SLC15A4: variants seen among roughly 807,000 people sequenced by gnomAD.
The protein encoded by SLC15A4 is solute carrier family 15 member 4.
In SLC15A4, 26 loss-of-function variants were observed where a neutral mutation model predicts 46.1. The ratio of observed to expected loss-of-function variants is 0.56; its 90% CI spans 0.41 to 0.78. The LOEUF is 0.78. SLC15A4 is among the 30% of genes least tolerant of loss of function. The probability of loss-of-function intolerance (pLI) is 0.00; values close to 1 mark genes in which losing one functional copy is unlikely to be tolerated. For synonymous variants in SLC15A4, 370 were observed against 333.4 expected (o/e 1.11, Z -1.20); for missense variants, 751 against 755.7 (o/e 0.99, Z 0.07).
At chr12:128,820,556 T>C (rs767672200) in intron 1 of SLC15A4, among the ~76,000 whole-genome samples, 2 of 152,250 alleles carry the variant, frequency 1.3e-5, no homozygotes, top group South Asian at 2.1e-4. Context: ...TTTTGAATCC[T>C]GGCTCAGTCA....
intron 1 of SLC15A4, among the ~76,000 whole-genome samples, chr12:128,816,195 C>T (rs1463354635): frequency 1.3e-5 from 2 of 152,082 alleles, no homozygotes; most frequent in Non-Finnish European, 2.9e-5. Flanking sequence ...TCAATGGAGC[C>T]CAAGCGGTGG....
chr12:128,804,586 C>A (rs550611642), intron 5 of SLC15A4, among the ~76,000 whole-genome samples: 2 of 152,086 alleles, frequency 1.3e-5, no homozygotes, highest in Admixed American at 6.5e-5. Flanking sequence ...AAAAATTAGC[C>A]GGGCATGGTG....
chr12:128,800,933 A>G lies in SLC15A4; in HGVS notation c.1335T>C (p.His445=), dbSNP rs1955511356. 1 of 1,614,074 alleles carries G rather than the reference A, an allele frequency of 6.2e-7. No individual in the cohort carries two copies. Among genetic ancestry groups the G allele is most frequent in the South Asian group, 1.1e-5 (1 of 91,086 alleles). The part of the protein sequence containing the change: ...INQTIGNVVY[H]AADLSLWWQV... Reference sequence around the variant, plus strand: ...GCCACCACAGCGACAGATCGGCAGCATGGTAGACGACGTTGCCGATGGTCT... The same window carrying G: ...GCCACCACAGCGACAGATCGGCAGCGTGGTAGACGACGTTGCCGATGGTCT... Residue 445 remains histidine (H), a synonymous_variant, in exon 6 of 8, where the codon CAT becomes CAC. Coordinates refer to ENST00000266771, the MANE Select transcript of SLC15A4 (RefSeq NM_145648.4).
intron 1 of SLC15A4, among the ~76,000 whole-genome samples, chr12:128,821,860 T>C (rs1003724253): frequency 7.1e-6 from 1 of 141,248 alleles, no homozygotes; most frequent in African/African-American, 2.7e-5. Context: ...CACTCCAACC[T>C]GGCAACAGAG....
chr12:128,814,960 G>A lies in SLC15A4; in HGVS notation c.657C>T (p.Asn219=), dbSNP rs774580370. The A allele has an allele frequency of 1.3e-5, 21 of 1,614,060 alleles. No individual in the cohort carries two copies. Among genetic ancestry groups the A allele is most frequent in the East Asian group, 4.5e-5 (2 of 44,890 alleles). The change falls in exon 2 of 8, where the codon AAC becomes AAT. Residue 219 remains asparagine (N), a synonymous_variant. Transcript: ENST00000266771. The stretch of plus-strand genomic sequence containing the variant: ...TCGCATAACCAGTGACAAAGCTGAC[G>A]TTCTGCTGAATATAGGCAATGCCAC... The part of the protein sequence containing the change: ...SLGGIAYIQQ[N]VSFVTGYAIP...
intron 5 of SLC15A4, among the ~76,000 whole-genome samples, chr12:128,806,827 G>C (rs1955594950): frequency 6.6e-6 from 1 of 151,700 alleles, no homozygotes; most frequent in African/African-American, 2.4e-5. Flanking sequence ...TCAGTAAGAA[G>C]GCAAGCACTG....
chr12:128,823,342 TGGGGCTGGGCA>T (rs1341981689), intron 1 of SLC15A4, 45 bp downstream of exon 1: 9 of 1,336,546 alleles, frequency 6.7e-6, no homozygotes, highest in East Asian at 3.1e-5. Context: ...GGGAAGAGGC[TGGGGCTGGGCA>T]GGGGCTGGAC....
chr12:128,807,292 A>T (rs1214119534), intron 5 of SLC15A4, among the ~76,000 whole-genome samples: 1 of 152,162 alleles, frequency 6.6e-6, no homozygotes, highest in Non-Finnish European at 1.5e-5. Flanking sequence ...ACAAACACAT[A>T]TCGAAACCAC....
rs1955636085 is a variant in SLC15A4, at chr12:128,809,952, C to T, written c.1002G>A (p.Val334=). The T allele has an allele frequency of 6.2e-7, 1 of 1,613,056 alleles. No individual in the cohort carries two copies. Among genetic ancestry groups the T allele is most frequent in the Non-Finnish European group, 8.5e-7 (1 of 1,179,742 alleles). The change falls in exon 3 of 8, where the codon GTG becomes GTA. Residue 334 remains valine, a synonymous_variant. Coordinates refer to ENST00000266771, the MANE Select transcript of SLC15A4 (RefSeq NM_145648.4). ...VFLALIPYWT[V]YFQMQTTYVL... ...GTTTGTCACCACTCACTTGGAAATA[C>T]ACTGTCCAGTAAGGTATCAAAGCCA...
intron 2 of SLC15A4, among the ~76,000 whole-genome samples, chr12:128,812,511 G>T (rs1407128335): frequency 6.6e-6 from 1 of 152,006 alleles, no homozygotes; most frequent in Non-Finnish European, 1.5e-5. Context: ...AGTAGACGGG[G>T]TTTCACGTAT....
intron 2 of SLC15A4, among the ~76,000 whole-genome samples, chr12:128,811,549 G>A (rs1955656130): frequency 6.6e-6 from 1 of 152,262 alleles, no homozygotes; most frequent in South Asian, 2.1e-4. Flanking sequence ...TAGTCTAGTG[G>A]GGGAAAATAA....
intron 1 of SLC15A4, among the ~76,000 whole-genome samples, chr12:128,817,827 A>C (rs1026589217): frequency 1.3e-5 from 2 of 152,196 alleles, no homozygotes; most frequent in Non-Finnish European, 2.9e-5. Context: ...GCTGCTGTGA[A>C]GGGACATCAC....
At chr12:128,801,490 G>C (rs1955518710) in intron 5 of SLC15A4, 1 of 154,426 alleles carries the variant, frequency 6.5e-6, no homozygotes, top group South Asian at 2.0e-4. Context: ...TAATGATGAT[G>C]ATGATGTTGG....
intron 7 of SLC15A4, among the ~76,000 whole-genome samples, chr12:128,796,766 T>C (rs912338290): frequency 2.6e-5 from 4 of 152,164 alleles, no homozygotes; most frequent in South Asian, 2.1e-4. Context: ...GTCATCAAAA[T>C]ATAAACGACA....
At chr12:128,804,069 T>C (rs1218842738) in intron 5 of SLC15A4, among the ~76,000 whole-genome samples, 2 of 152,180 alleles carry the variant, frequency 1.3e-5, no homozygotes, top group African/African-American at 2.4e-5. Flanking sequence ...ATTAATACCG[T>C]TGGTAGTATT....
intron 7 of SLC15A4, among the ~76,000 whole-genome samples, chr12:128,795,560 T>C (rs7312683): frequency 0.64 from 97,450 of 151,928 alleles, 32,099 homozygotes; most frequent in East Asian, 0.76. Flanking sequence ...CAAGAGGGAG[T>C]CTGGACGCGG....
At chr12:128,796,551 GAA>G (rs1955446898) in intron 7 of SLC15A4, among the ~76,000 whole-genome samples, 1 of 149,374 alleles carries the variant, frequency 6.7e-6, no homozygotes, top group Non-Finnish European at 1.5e-5. Flanking sequence ...TACTGATTTA[GAA>G]AGACAGCTGC....
At chr12:128,803,360 CATGT>C (rs1325212712) in intron 5 of SLC15A4, among the ~76,000 whole-genome samples, 1 of 152,162 alleles carries the variant, frequency 6.6e-6, no homozygotes, top group Non-Finnish European at 1.5e-5. Flanking sequence ...CAATAGGTGC[CATGT>C]ATGAATTGTT....
chr12:128,804,218 CA>C (rs1369654598), intron 5 of SLC15A4, among the ~76,000 whole-genome samples: 2 of 152,106 alleles, frequency 1.3e-5, no homozygotes, highest in African/African-American at 2.4e-5. Context: ...CCATCATTAA[CA>C]AAAGTATAAA....
Sources: gnomAD v4.1 joint callset for allele counts (sites outside exome capture counted in the v4.1 genomes callset) on GRCh38, gnomAD v4.1.1 for gene constraint, MANE v1.5 for transcripts, NCBI Gene and HGNC (gene_info 2026-07-23, HGNC 2026-07-21) for gene names.